Variants in TOPORS observed in about 807,000 individuals in gnomAD.
TOPORS encodes E3 ubiquitin-protein ligase Topors.
TOPORS carries 25 observed loss-of-function variants against 81.4 expected under a neutral mutation model. That is an observed-to-expected ratio of 0.31 (90% CI 0.22 to 0.43). The LOEUF is 0.43. Among genes scored for constraint, TOPORS ranks in the 20% least tolerant of loss-of-function variants. The probability of loss-of-function intolerance (pLI) is 1.00; values close to 1 mark genes in which losing one functional copy is unlikely to be tolerated. For synonymous variants in TOPORS, 473 were observed against 456.6 expected, an observed-to-expected ratio of 1.04 and a Z score of -0.46; for missense variants, 1,101 against 1,267.0, an observed-to-expected ratio of 0.87 and a Z score of 1.99.
rs1821101682 is a variant in TOPORS, at chr9:32,543,483, T to A, written c.1042A>T (p.Thr348Ser). The change falls in exon 3 of 3, where the codon ACT (threonine) becomes TCT (serine). Residue 348 changes from threonine (T) to serine (S), a missense_variant. Physicochemically the swap from Thr to Ser is moderately conservative, Grantham distance 58 (BLOSUM62 1). Transcript: ENST00000360538. The surrounding 1 kb of genome is among the most constrained non-coding windows in gnomAD (Gnocchi z 5.6). ...ATAAATTCATGTATAAAATGCTCAGTTCGATTAAGTAAAAATGGTCTTAAA... is the reference window on the plus strand; with the variant it reads ...ATAAATTCATGTATAAAATGCTCAGATCGATTAAGTAAAAATGGTCTTAAA... Reference protein sequence around the residue: ...SDLRPFLLNRTEHFIHEFISF... With the variant: ...SDLRPFLLNRSEHFIHEFISF... 1 of 1,613,758 alleles carries A rather than the reference T, an allele frequency of 6.2e-7. No homozygotes were observed. Among genetic ancestry groups the A allele is most frequent in the Non-Finnish European group, 8.5e-7 (1 of 1,180,012 alleles).
Position 32,550,760 on chromosome 9 carries a change from C to G in TOPORS, c.198+14G>C. 2 of 1,612,750 alleles carry G rather than the reference C, an allele frequency of 1.2e-6. No individual in the cohort carries two copies. The highest frequency in any genetic ancestry group is 1.7e-6 in the Non-Finnish European group (2 of 1,179,630). ...TTCCGACCCCCGCGTCCCATTGTTCCGAATCTCACTCACCTCGGAGGATGC... is the reference window on the plus strand; with the variant it reads ...TTCCGACCCCCGCGTCCCATTGTTCGGAATCTCACTCACCTCGGAGGATGC... On this transcript the variant is annotated intron_variant, in intron 2 of 2. Transcript: ENST00000360538.
At chr9:32,551,447 T>C in intron 1 of TOPORS, 1 of 282,384 alleles carries the variant, frequency 3.5e-6, no homozygotes, top group Non-Finnish European at 7.1e-6. Flanking sequence ...CTATAAAGTC[T>C]TCAGAGAGGG....
At chr9:32,551,598 G>C (rs1194101501) in intron 1 of TOPORS, 1 of 248,568 alleles carries the variant, frequency 4.0e-6, no homozygotes, top group Admixed American at 4.2e-5. Flanking sequence ...ATAACTGCGA[G>C]GTATAAAGAA....
chr9:32,544,039 G>T lies in TOPORS; in HGVS notation c.486C>A (p.Val162=). 6.2e-7 allele frequency: 1 copy of T among 1,614,142 alleles called. No homozygotes were observed. The highest frequency in any genetic ancestry group is 8.5e-7 in the Non-Finnish European group (1 of 1,180,018). The change falls in exon 3 of 3, where the codon GTC becomes GTA. Residue 162 remains valine (V), a synonymous_variant. Transcript: ENST00000360538. ...AAGAACCATTATACGAAGGCCTTAG[G>T]ACATACTCCTTGAAGTCATCTTCTG... is the stretch of plus-strand genomic sequence containing the variant. ...VRAEDDFKEY[V]LRPSYNGSFV...
Position 32,542,018 on chromosome 9 carries a change from T to C in TOPORS, c.2507A>G (p.Tyr836Cys), listed in dbSNP as rs149817592. The change falls in exon 3 of 3, where the codon TAC (tyrosine) becomes TGC (cysteine). Residue 836 changes from tyrosine (Y) to cysteine (C), a missense_variant. Physicochemically the swap from Tyr to Cys is radical, Grantham distance 194. Transcript: ENST00000360538. ...QKSSSKLDGN[Y>C]KNESDTFSDS... ...TGAAAAGGTATCACTCTCATTTTTG[T>C]AGTTTCCATCCAATTTTGATGAAGA... 265 of 1,614,104 alleles carry C rather than the reference T, an allele frequency of 1.6e-4. No homozygotes were observed. The African/African-American group carries it at 3.1e-3, about 19-fold the overall frequency.
At position 32,542,190 on chromosome 9, in the gene TOPORS, T is replaced by C; in HGVS notation, c.2335A>G (p.Thr779Ala). 6.2e-7 allele frequency: 1 copy of C among 1,614,198 alleles called. No individual in the cohort carries two copies. Among genetic ancestry groups the C allele is most frequent in the Non-Finnish European group, 8.5e-7 (1 of 1,180,032 alleles). The part of the protein sequence containing the change: ...SRSLSSNRSR[T>A]ASTGTDRVRN... Reference sequence around the variant, plus strand: ...ACCCGGTCAGTCCCGGTAGATGCAGTCCTTGATCTGTTACTAGACAGGCTC... The same window carrying C: ...ACCCGGTCAGTCCCGGTAGATGCAGCCCTTGATCTGTTACTAGACAGGCTC... The change falls in exon 3 of 3, where the codon ACT (threonine) becomes GCT (alanine). Residue 779 changes from threonine to alanine, a missense_variant. Thr to Ala is a moderately conservative substitution (Grantham distance 58). Around this residue, in one of 9 missense-constraint regions of TOPORS, gnomAD observed 605 missense variants for 636.1 expected, o/e 0.95. Coordinates refer to ENST00000360538, the MANE Select transcript of TOPORS (RefSeq NM_005802.5).
chr9:32,549,332 A>G (rs773004577), intron 2 of TOPORS, among the ~76,000 whole-genome samples: 5 of 152,112 alleles, frequency 3.3e-5, no homozygotes, highest in Non-Finnish European at 7.3e-5. Flanking sequence ...ATAAAAATCA[A>G]AAGTCATCTA....
intron 2 of TOPORS, among the ~76,000 whole-genome samples, chr9:32,550,350 T>C (rs1345524992): frequency 6.6e-6 from 1 of 152,166 alleles, no homozygotes; most frequent in African/African-American, 2.4e-5. Context: ...GAACTGCCAC[T>C]AGACTAAGAT....
At chr9:32,546,518 C>T (rs375187407) in intron 2 of TOPORS, among the ~76,000 whole-genome samples, 40 of 152,264 alleles carry the variant, frequency 2.6e-4, no homozygotes, top group African/African-American at 5.5e-4. Context: ...GATTACTGGA[C>T]TTGGAAAAAA....
intron 2 of TOPORS, among the ~76,000 whole-genome samples, chr9:32,544,972 G>C (rs1821122392): frequency 6.6e-6 from 1 of 152,054 alleles, no homozygotes; most frequent in African/African-American, 2.4e-5. Context: ...AAACAACTTT[G>C]GTGACATAAC....
chr9:32,541,189 A>C lies in TOPORS; in HGVS notation c.*198T>G, dbSNP rs548994272. 1.8e-6 allele frequency: 1 copy of C among 542,218 alleles called. No homozygotes were observed. The highest frequency in any genetic ancestry group is 3.1e-5 in the East Asian group (1 of 31,916). 33.6% of individuals were successfully genotyped at this position (542,218 alleles called of 1,614,324 possible). On this transcript the variant is annotated 3_prime_UTR_variant, in exon 3 of 3. Coordinates refer to ENST00000360538, the MANE Select transcript of TOPORS (RefSeq NM_005802.5). ...TATCATTTTCTTCACTTAAAAGTGCATATCTTTGAGGGTGGGACATACATT... is the reference window on the plus strand; with the variant it reads ...TATCATTTTCTTCACTTAAAAGTGCCTATCTTTGAGGGTGGGACATACATT...
chr9:32,543,215 G>T lies in TOPORS; in HGVS notation c.1310C>A (p.Ser437Tyr). The T allele has an allele frequency of 6.2e-7, 1 of 1,613,624 alleles. No homozygotes were observed. Among genetic ancestry groups the T allele is most frequent in the Non-Finnish European group, 8.5e-7 (1 of 1,180,024 alleles). ...SSEQVHVTMS[S>Y]LLNTSDSSDE... is the part of the protein sequence containing the mutation. ...TGAACTGTCAGAAGTATTTAAAAGAGAAGACATAGTAACGTGTACCTGCTC... is the reference window on the plus strand; with the variant it reads ...TGAACTGTCAGAAGTATTTAAAAGATAAGACATAGTAACGTGTACCTGCTC... Residue 437 changes from serine to tyrosine, a missense_variant, in exon 3 of 3, where the codon TCT (serine) becomes TAT (tyrosine). Physicochemically the swap from Ser to Tyr is moderately radical, Grantham distance 144. Around this residue, in one of 9 missense-constraint regions of TOPORS, gnomAD observed 103 missense variants for 112.1 expected, o/e 0.92. Transcript: ENST00000360538. This position sits in a 1 kb window ranked among gnomAD's most constrained non-coding sequence, Gnocchi z 5.6.
intron 2 of TOPORS, 98 bp from the exon 3 acceptor site, chr9:32,544,424 G>A: frequency 8.1e-7 from 1 of 1,234,530 alleles, no homozygotes; most frequent in Non-Finnish European, 1.1e-6. Flanking sequence ...ACTTATTTTG[G>A]TGAAAATACT....
In TOPORS at chr9:32,542,206, A is replaced by C; in HGVS notation, c.2319T>G (p.Ser773=). The C allele has an allele frequency of 6.2e-7, 1 of 1,614,040 alleles. No homozygotes were observed. Among genetic ancestry groups the C allele is most frequent in the South Asian group, 1.1e-5 (1 of 91,070 alleles). ...YYERHRSRSL[S]SNRSRTASTG... ...TAGATGCAGTCCTTGATCTGTTACT[A>C]GACAGGCTCCTTGATCTGTGCCTTT... The change falls in exon 3 of 3, where the codon TCT becomes TCG. Residue 773 remains serine (S), a synonymous_variant. Coordinates refer to ENST00000360538, the MANE Select transcript of TOPORS (RefSeq NM_005802.5).
At chr9:32,550,694 C>T in intron 2 of TOPORS, 80 bp downstream of exon 2, 2 of 1,557,166 alleles carry the variant, frequency 1.3e-6, no homozygotes, top group Non-Finnish European at 1.8e-6. Context: ...CCTCGGGTCC[C>T]GAGGCGCCGC....
chr9:32,550,803 G>A lies in TOPORS; in HGVS notation c.169C>T (p.Pro57Ser). 6.2e-7 allele frequency: 1 copy of A among 1,612,640 alleles called. No homozygotes were observed. Among genetic ancestry groups the A allele is most frequent in the Non-Finnish European group, 8.5e-7 (1 of 1,179,674 alleles). The change falls in exon 2 of 3, where the codon CCA becomes TCA. Residue 57 changes from proline to serine, a missense_variant. Pro to Ser is a moderately conservative substitution (Grantham distance 74). This residue lies in a region of TOPORS where 131 missense variants were observed against 101.0 expected (regional missense o/e 1.30). Coordinates refer to ENST00000360538, the MANE Select transcript of TOPORS (RefSeq NM_005802.5). ...GAGGATGCCGGCGCAGGCCTGGCTGGGGCGCTCGCCGCGAGCTCCCGGCAG... is the reference window on the plus strand; with the variant it reads ...GAGGATGCCGGCGCAGGCCTGGCTGAGGCGCTCGCCGCGAGCTCCCGGCAG... ...LGCRELAASA[P>S]ARPAPASSEI...
At chr9:32,544,888 T>C (rs1821121524) in intron 2 of TOPORS, among the ~76,000 whole-genome samples, 1 of 152,244 alleles carries the variant, frequency 6.6e-6, no homozygotes, top group South Asian at 2.1e-4. Context: ...CATGGCTTTA[T>C]ACCTTTCATA....
At chr9:32,546,307 C>A (rs1164458611) in intron 2 of TOPORS, among the ~76,000 whole-genome samples, 3 of 152,128 alleles carry the variant, frequency 2.0e-5, no homozygotes, top group Admixed American at 6.5e-5. Context: ...TTTAAAGAAA[C>A]ACACACATAA....
In TOPORS at chr9:32,543,310, A is replaced by C. The variant is rs372508949; in HGVS notation, c.1215T>G (p.Asp405Glu). The C allele has an allele frequency of 6.2e-7, 1 of 1,614,110 alleles. No individual in the cohort carries two copies. The highest frequency in any genetic ancestry group is 8.5e-7 in the Non-Finnish European group (1 of 1,180,022). The change falls in exon 3 of 3, where the codon GAT (aspartate) becomes GAG (glutamate). Residue 405 changes from aspartate (D) to glutamate (E), a missense_variant. Physicochemically the swap from Asp to Glu is conservative, Grantham distance 45. This residue lies in a region of TOPORS where 103 missense variants were observed against 112.1 expected (regional missense o/e 0.92). Transcript: ENST00000360538. This position sits in a 1 kb window ranked among gnomAD's most constrained non-coding sequence, Gnocchi z 5.6. ...CCTGACTAACAGTGGCTACATTAAT[A>C]TCCAGCTCTTGGGTCTCAGCCTCAT... ...SPDEAETQEL[D>E]INVATVSQAP... is the part of the protein sequence containing the mutation.
Sources: allele counts gnomAD v4.1 joint callset (sites outside exome capture counted in the v4.1 genomes callset), GRCh38; gene constraint gnomAD v4.1.1; regional missense constraint gnomAD v4.1.1; non-coding constraint Gnocchi (gnomAD v3.1); transcripts MANE v1.5; gene names NCBI Gene and HGNC (gene_info 2026-07-23, HGNC 2026-07-21).